The following ACER3 variants were observed in gnomAD, a reference collection of about 807,000 sequenced individuals.
ACER3 encodes the protein alkCDase 3.
Under a neutral mutation model 48.9 loss-of-function variants are expected in ACER3, and 16 were observed. The ratio of observed to expected loss-of-function variants is 0.33; its 90% CI spans 0.22 to 0.50. The LOEUF (loss-of-function observed/expected upper bound fraction) is 0.50. Ranked by LOEUF, ACER3 falls within the 20% of genes least tolerant of loss-of-function variation. ACER3 has a pLI of 0.98. For missense variants in ACER3, 227 were observed against 326.0 expected, an observed-to-expected ratio of 0.70 and a Z score of 2.34; for synonymous variants, 109 against 107.8, an observed-to-expected ratio of 1.01 and a Z score of -0.07.
intron 8 of ACER3, 41 bp downstream of exon 8, chr11:77,015,158 C>A: frequency 8.8e-7 from 1 of 1,141,686 alleles, no homozygotes; most frequent in Non-Finnish European, 1.3e-6. Flanking sequence ...TTTTTGGAAG[C>A]ATTTTATTAA....
chr11:76,868,124 C>G, intron 1 of ACER3: 1 of 1,289,718 alleles, frequency 7.8e-7, no homozygotes, highest in East Asian at 5.6e-5. Context: ...TCTCAGGTTC[C>G]TTCCTACCAT....
At chr11:76,944,967 ATTCT>A (rs1438554837) in intron 2 of ACER3, among the ~76,000 whole-genome samples, 1 of 149,174 alleles carries the variant, frequency 6.7e-6, no homozygotes, top group Non-Finnish European at 1.5e-5. Flanking sequence ...AAGTTCTGAG[ATTCT>A]TTCTTCTGCT....
intron 3 of ACER3, 103 bp from the exon 4 acceptor site, chr11:76,976,186 C>T (rs1266773720): frequency 2.2e-6 from 2 of 909,712 alleles, no homozygotes; most frequent in African/African-American, 1.7e-5. Flanking sequence ...TGTGCCTGGT[C>T]TAAGAGCTGA....
chr11:76,967,457 A>T (rs1212506828), intron 3 of ACER3, among the ~76,000 whole-genome samples: 1 of 152,368 alleles, frequency 6.6e-6, no homozygotes, highest in Admixed American at 6.5e-5. Context: ...AACTCATTTT[A>T]TGAGGCCAGC....
rs1002354580 is a variant in ACER3, at chr11:76,917,528, A to G, written c.104-9029A>G. Among the ~76,000 whole-genome samples, 4 of 152,104 alleles carry G rather than the reference A, an allele frequency of 2.6e-5. No homozygotes were observed. The South Asian group carries it at 8.3e-4, about 32-fold the overall frequency. ...TAGGGGTTCGAGACCAGCCTGAGCA[A>G]CATAAGAAGACCTCGTCAGTACAAA... On this transcript the variant is annotated intron_variant, in intron 1 of 10. Coordinates refer to ENST00000532485, the MANE Select transcript of ACER3 (RefSeq NM_018367.7).
chr11:76,903,466 C>CCA lies in ACER3; in HGVS notation c.104-23077_104-23076dup, dbSNP rs374252133. On this transcript the variant is annotated intron_variant, in intron 1 of 10. Coordinates refer to ENST00000532485, the MANE Select transcript of ACER3 (RefSeq NM_018367.7). ...TCCCACCCCCCCACCCGCCCCCGGC[C>CCA]CACACACACACACACCTTTTATGGC... is the stretch of plus-strand genomic sequence containing the variant. Among the ~76,000 whole-genome samples the CCA allele has an allele frequency of 1.9e-3, 166 of 89,412 alleles. 2 individuals are homozygous for CCA. Among genetic ancestry groups the CCA allele is most frequent in the African/African-American group, 3.9e-3 (97 of 24,688 alleles). 58.7% of individuals were successfully genotyped at this position (89,412 alleles called of 152,430 possible).
At chr11:76,879,759 C>T (rs78704785) in intron 1 of ACER3, among the ~76,000 whole-genome samples, 4,624 of 152,258 alleles carry the variant, frequency 0.03, 94 homozygotes, top group South Asian at 0.065. Context: ...CGCTGGCCCA[C>T]TTGAACATGG....
intron 9 of ACER3, among the ~76,000 whole-genome samples, chr11:77,017,594 AT>A (rs1343991896): frequency 3.9e-5 from 6 of 152,214 alleles, no homozygotes; most frequent in African/African-American, 1.4e-4. Flanking sequence ...TTCCAAAGGC[AT>A]TTTTTTACAG....
intron 1 of ACER3, among the ~76,000 whole-genome samples, chr11:76,905,971 T>C (rs907935285): frequency 3.9e-5 from 6 of 152,226 alleles, no homozygotes; most frequent in Non-Finnish European, 8.8e-5. Flanking sequence ...GCCAGACAGA[T>C]GGTTGACTTT....
intron 1 of ACER3, among the ~76,000 whole-genome samples, chr11:76,881,818 G>A (rs1287628151): frequency 1.3e-5 from 2 of 151,970 alleles, no homozygotes; most frequent in Admixed American, 6.6e-5. Flanking sequence ...TTTTCCTTCA[G>A]CAAGTTGAGC....
intron 7 of ACER3, among the ~76,000 whole-genome samples, chr11:77,004,656 A>T (rs1555020491): frequency 6.6e-6 from 1 of 152,156 alleles, no homozygotes; most frequent in African/African-American, 2.4e-5. Flanking sequence ...TTTTGTCATT[A>T]TGTAATGTTC....
chr11:76,919,617 A>G (rs2134774928), intron 1 of ACER3, among the ~76,000 whole-genome samples: 1 of 152,336 alleles, frequency 6.6e-6, no homozygotes, highest in Admixed American at 6.5e-5. Flanking sequence ...TGTATGAATG[A>G]ATATCTCGCT....
rs1946808475 is a variant in ACER3 at position 76,925,584 on chromosome 11, G to A, written c.104-973G>A. Among the ~76,000 whole-genome samples, 3 of 152,240 alleles carry A rather than the reference G, an allele frequency of 2.0e-5. No homozygotes were observed. In the South Asian group the frequency reaches 6.2e-4, roughly 32 times the overall value. On this transcript the variant is annotated intron_variant, in intron 1 of 10. Coordinates refer to ENST00000532485, the MANE Select transcript of ACER3 (RefSeq NM_018367.7). ...TCCTGCCGCAGTTTGGATGGACTGT[G>A]TGGTCCCTGGTCCTTTTGTAGTCTT...
At position 76,915,181 on chromosome 11, in the gene ACER3, G is replaced by A. The variant is rs553046860; in HGVS notation, c.104-11376G>A. Among the ~76,000 whole-genome samples the A allele has an allele frequency of 4.3e-5, 6 of 140,920 alleles. No homozygotes were observed. The East Asian group carries it at 1.1e-3, about 26-fold the overall frequency. The allele number at this position is 140,920 out of a possible 152,430, so 92.4% of individuals were successfully genotyped here. On this transcript the variant is annotated intron_variant, in intron 1 of 10. Transcript: ENST00000532485. ...GTGCACATGTACCCTAGGACTTAAA[G>A]TATAATTTAAAAAAAGGAAAAATAA...
intron 2 of ACER3, among the ~76,000 whole-genome samples, chr11:76,946,650 C>T (rs1235208483): frequency 6.6e-6 from 1 of 152,190 alleles, no homozygotes; most frequent in African/African-American, 2.4e-5. Flanking sequence ...ACAAGCAGGG[C>T]AGTAAGGACC....
At chr11:76,904,646 T>A (rs973616007) in intron 1 of ACER3, among the ~76,000 whole-genome samples, 2 of 151,810 alleles carry the variant, frequency 1.3e-5, no homozygotes, top group African/African-American at 4.8e-5. Context: ...AAAATAAAAA[T>A]AAAAAAATAA....
At chr11:76,868,389 CTCTGTGT>C in intron 1 of ACER3, 1 of 185,806 alleles carries the variant, frequency 5.4e-6, no homozygotes, top group Non-Finnish European at 1.1e-5. Flanking sequence ...CTCTCTCTCT[CTCTGTGT>C]GTGTGTGTGT....
At chr11:76,989,374 A>G (rs567788286) in intron 5 of ACER3, among the ~76,000 whole-genome samples, 1 of 152,172 alleles carries the variant, frequency 6.6e-6, no homozygotes, top group South Asian at 2.1e-4. Context: ...TCCAGTACTT[A>G]ATATCAAAGA....
chr11:76,971,359 G>A (rs1315415851), intron 3 of ACER3, among the ~76,000 whole-genome samples: 2 of 152,014 alleles, frequency 1.3e-5, no homozygotes, highest in Non-Finnish European at 2.9e-5. Flanking sequence ...GGCCAACATG[G>A]TGAAACCCCG....
Sources: gnomAD v4.1 joint callset for allele counts (sites outside exome capture counted in the v4.1 genomes callset) on GRCh38, gnomAD v4.1.1 for gene constraint, MANE v1.5 for transcripts, NCBI Gene and HGNC (gene_info 2026-07-23, HGNC 2026-07-21) for gene names.